Variants in NEBL observed in about 807,000 individuals in gnomAD.
NEBL encodes the protein nebulette.
A neutral mutation model predicts 140.2 loss-of-function variants in NEBL; 122 were observed. The ratio of observed to expected loss-of-function variants is 0.87; its 90% CI spans 0.75 to 1.01. The LOEUF (loss-of-function observed/expected upper bound fraction) is 1.01. NEBL is among the 50% of genes least tolerant of loss of function. The pLI is 0.00. For synonymous variants in NEBL, 436 were observed against 398.9 expected (o/e 1.09, Z -1.11); for missense variants, 1,365 against 1,231.3 (o/e 1.11, Z -1.62).
At chr10:20,873,138 C>G (rs1174425303) in intron 5 of NEBL, among the ~76,000 whole-genome samples, 1 of 152,172 alleles carries the variant, frequency 6.6e-6, no homozygotes, top group African/African-American at 2.4e-5. Context: ...AATCTACCAT[C>G]CATCAGAGCT....
chr10:20,929,542 T>C (rs1210996900), intron 4 of NEBL, among the ~76,000 whole-genome samples: 7 of 152,180 alleles, frequency 4.6e-5, no homozygotes, highest in Non-Finnish European at 7.3e-5. Context: ...CATCTATGTA[T>C]ACATATACAC....
chr10:20,953,043 T>C (rs1338702692), intron 4 of NEBL, among the ~76,000 whole-genome samples: 1 of 152,152 alleles, frequency 6.6e-6, no homozygotes, highest in Non-Finnish European at 1.5e-5. Flanking sequence ...AAAGTGTATG[T>C]CACTTAAATA....
chr10:21,196,533 C>T (rs576047928), intron 3 of NEBL, among the ~76,000 whole-genome samples: 2 of 151,628 alleles, frequency 1.3e-5, no homozygotes, highest in Admixed American at 6.6e-5. Flanking sequence ...TTAATAGGGA[C>T]GGGGTTTCAC....
chr10:20,903,203 G>A (rs1216292652), intron 4 of NEBL, among the ~76,000 whole-genome samples: 1 of 152,112 alleles, frequency 6.6e-6, no homozygotes, highest in Non-Finnish European at 1.5e-5. Flanking sequence ...AACTAGGATA[G>A]TAATGGCATG....
chr10:21,192,198 C>CTT (rs34146705), intron 3 of NEBL, among the ~76,000 whole-genome samples: 23 of 144,258 alleles, frequency 1.6e-4, no homozygotes, highest in African/African-American at 5.6e-4. Context: ...CTTTTTTTTT[C>CTT]TTTTTTTTTT....
chr10:20,828,617 T>C lies in NEBL; in HGVS notation c.1689A>G (p.Glu563=), dbSNP rs1423516014. The C allele has an allele frequency of 3.2e-6, 5 of 1,574,076 alleles. No individual in the cohort carries two copies. In the African/African-American group the frequency reaches 6.8e-5, roughly 21 times the overall value. The part of the protein sequence containing the change: ...EIYSQRKYKD[E]AEKMLSNYST... ...AATAGTTAGAAAGCATCTTCTCTGCTTCATCTTTATACTTTCTCTAAAAAC... is the reference window on the plus strand; with the variant it reads ...AATAGTTAGAAAGCATCTTCTCTGCCTCATCTTTATACTTTCTCTAAAAAC... Residue 563 remains glutamate (E), a synonymous_variant, in exon 17 of 28, where the codon GAA becomes GAG. Transcript: ENST00000377122.
rs1395708547 is a variant in NEBL at position 21,227,812 on chromosome 10, CTTG to C, written n.348+20106_348+20108del. Among the ~76,000 whole-genome samples the C allele has an allele frequency of 5.6e-3, 826 of 147,962 alleles. 6 individuals are homozygous for C. The highest frequency in any genetic ancestry group is 0.02 in the African/African-American group (784 of 39,434). On this transcript the variant is annotated intron_variant and non_coding_transcript_variant, in intron 3 of 8. Transcript: ENST00000675702. Reference sequence around the variant, plus strand: ...CTTCTTTCTTCTTCTTCTTCTTCTTCTTGTTCTTCTTCTTCTTTCTTCTTCTTC... The same window carrying C: ...CTTCTTTCTTCTTCTTCTTCTTCTTCTTCTTCTTCTTCTTTCTTCTTCTTC...
chr10:21,029,835 G>C, intron 2 of NEBL: 2 of 697,474 alleles, frequency 2.9e-6, no homozygotes, highest in Non-Finnish European at 2.6e-6. Context: ...GGCAGTGGCA[G>C]AAGGGCATTT....
intron 2 of NEBL, among the ~76,000 whole-genome samples, chr10:21,068,540 A>G (rs927987912): frequency 6.6e-6 from 1 of 152,210 alleles, no homozygotes; most frequent in Non-Finnish European, 1.5e-5. Flanking sequence ...GCAAAATGTC[A>G]TCTTGTCACC....
chr10:21,131,596 G>A (rs1589266053), intron 2 of NEBL, among the ~76,000 whole-genome samples: 1 of 152,080 alleles, frequency 6.6e-6, no homozygotes, highest in South Asian at 2.1e-4. Flanking sequence ...ACCAATAAAA[G>A]CAATGTGGAA....
chr10:21,040,940 C>G (rs966848386), intron 2 of NEBL, among the ~76,000 whole-genome samples: 3 of 152,192 alleles, frequency 2.0e-5, no homozygotes, highest in Non-Finnish European at 4.4e-5. Context: ...TTTCCCGAAG[C>G]CTCCCCAGCC....
Position 21,103,365 on chromosome 10 carries a change from C to CA in NEBL, c.164+69017dup, listed in dbSNP as rs1837563843. 3.3e-5 allele frequency among the ~76,000 whole-genome samples: 5 copies of CA among 152,150 alleles called. 1 individual carries two copies. Among genetic ancestry groups the CA allele is most frequent in the African/African-American group, 1.2e-4 (5 of 41,526 alleles). On this transcript the variant is annotated intron_variant, in intron 2 of 6. Transcript: ENST00000417816. Reference sequence around the variant, plus strand: ...AGTAGCTGGAACTACAGGCACCCGCCACCATGCCCGGCTAATTTTTTGTAT... The same window carrying CA: ...AGTAGCTGGAACTACAGGCACCCGCCAACCATGCCCGGCTAATTTTTTGTAT...
intron 2 of NEBL, among the ~76,000 whole-genome samples, chr10:21,097,491 C>T (rs1385513079): frequency 3.3e-5 from 5 of 152,062 alleles, no homozygotes. Context: ...GAGCTCAATA[C>T]AATGGTGTGT....
rs1335249131 is a variant in NEBL at position 20,859,780 on chromosome 10, T to A, written c.731A>T (p.His244Leu). 7.5e-6 allele frequency: 12 copies of A among 1,599,880 alleles called. No individual in the cohort carries two copies. The highest frequency in any genetic ancestry group is 8.6e-7 in the Non-Finnish European group (1 of 1,168,472). ...AGCACTTTCAAGAGGATTGTAATGA[T>A]GTTTCTTATCCTTCATTTCATTATC... ...KFDNEMKDKK[H>L]HYNPLESASF... Residue 244 changes from histidine to leucine, a missense_variant, in exon 8 of 28, where the codon CAT becomes CTT. By Grantham distance (99) the His-to-Leu change is moderately conservative (BLOSUM62 -3). Transcript: ENST00000377122.
chr10:21,002,663 G>A (rs962972375), intron 3 of NEBL, among the ~76,000 whole-genome samples: 39 of 152,184 alleles, frequency 2.6e-4, no homozygotes, highest in African/African-American at 9.1e-4. Context: ...GGGGAAACCA[G>A]CACACCCTCA....
At chr10:21,278,268 C>T (rs1022692692) in intron 1 of NEBL, among the ~76,000 whole-genome samples, 22 of 152,010 alleles carry the variant, frequency 1.4e-4, no homozygotes, top group Non-Finnish European at 8.8e-5. Flanking sequence ...AGCAAGACGC[C>T]GTCTCTACAG....
chr10:21,123,336 G>A (rs1838665034), intron 2 of NEBL, among the ~76,000 whole-genome samples: 1 of 152,046 alleles, frequency 6.6e-6, no homozygotes, highest in Non-Finnish European at 1.5e-5. Context: ...TTTCAATTTT[G>A]GCAAATAGAC....
In NEBL at chr10:20,826,296, A is replaced by C. The variant is rs71578947; in HGVS notation, c.1869+151T>G. ...GAACAAGGATACAGTTTTTGTTCTG[A>C]AAGTTAGATCTTTGATATATGATGA... On this transcript the variant is annotated intron_variant, in intron 18 of 27. Coordinates refer to ENST00000377122, the MANE Select transcript of NEBL (RefSeq NM_006393.3). The C allele has an allele frequency of 4.3e-3, 2,952 of 688,990 alleles. 49 individuals carry two copies. Among genetic ancestry groups the C allele is most frequent in the African/African-American group, 0.041 (2,301 of 55,952 alleles). 42.7% of individuals were successfully genotyped at this position (688,990 alleles called of 1,614,324 possible).
rs148964433 is a variant in NEBL, at chr10:20,859,801, T to C, written c.710A>G (p.Asn237Ser). 3 of 1,563,652 alleles carry C rather than the reference T, an allele frequency of 1.9e-6. No individual in the cohort carries two copies. Among genetic ancestry groups the C allele is most frequent in the Non-Finnish European group, 1.8e-6 (2 of 1,137,760 alleles). Residue 237 changes from asparagine to serine, a missense_variant, in exon 8 of 28, where the codon AAT becomes AGT. Physicochemically the swap from Asn to Ser is conservative, Grantham distance 46. Coordinates refer to ENST00000377122, the MANE Select transcript of NEBL (RefSeq NM_006393.3). ...ATGATGTTTCTTATCCTTCATTTCA[T>C]TATCAAATTTTTCTTTGTATTTAAT... ...SQIKYKEKFD[N>S]EMKDKKHHYN...
Sources: gnomAD v4.1 joint callset for allele counts (sites outside exome capture counted in the v4.1 genomes callset) on GRCh38, gnomAD v4.1.1 for gene constraint, MANE v1.5 for transcripts, NCBI Gene and HGNC (gene_info 2026-07-23, HGNC 2026-07-21) for gene names.